ATP10B: variants seen among roughly 807,000 people sequenced by gnomAD.
ATP10B encodes the protein phospholipid-transporting ATPase VB.
A neutral mutation model predicts 141.2 loss-of-function variants in ATP10B; 122 were observed. The ratio of observed to expected loss-of-function variants is 0.86; its 90% CI spans 0.75 to 1.00. ATP10B has a LOEUF of 1.00. Ranked by LOEUF, ATP10B falls within the 50% of genes least tolerant of loss-of-function variation. ATP10B has a pLI of 0.00. For synonymous variants in ATP10B, 685 were observed against 692.0 expected (o/e 0.99, Z 0.16); for missense variants, 1,876 against 1,825.3 (o/e 1.03, Z -0.51).
chr5:160,828,758 G>C (rs544954602), intron 1 of ATP10B, among the ~76,000 whole-genome samples: 2 of 151,718 alleles, frequency 1.3e-5, no homozygotes, highest in East Asian at 3.9e-4. Context: ...ACATGCACAC[G>C]TATGTTTATT....
chr5:160,670,055 G>A (rs1028398550), intron 7 of ATP10B, among the ~76,000 whole-genome samples: 7 of 152,144 alleles, frequency 4.6e-5, no homozygotes, highest in African/African-American at 1.7e-4. Context: ...GGAATATTAG[G>A]ATTCGTGGCA....
chr5:160,770,455 T>G (rs576172296), intron 2 of ATP10B, among the ~76,000 whole-genome samples: 1 of 152,294 alleles, frequency 6.6e-6, no homozygotes, highest in Non-Finnish European at 1.5e-5. Context: ...TTCCTTTTCC[T>G]TAGGCTTAAT....
chr5:160,907,293 TTC>T, the ATP10B span, among the ~76,000 whole-genome samples: 1 of 151,718 alleles, frequency 6.6e-6, no homozygotes. Flanking sequence ...TTGATTTTTT[TTC>T]TTTAATTTAC....
At chr5:160,686,298 T>C (rs965552497) in intron 5 of ATP10B, 25 bp from the exon 6 acceptor site, 1 of 1,527,582 alleles carries the variant, frequency 6.5e-7, no homozygotes. Flanking sequence ...GAAGTGTGAA[T>C]AAACACTATG....
the ATP10B span, among the ~76,000 whole-genome samples, chr5:160,880,842 G>A: frequency 6.6e-6 from 1 of 152,060 alleles, no homozygotes; most frequent in African/African-American, 2.4e-5. Context: ...AAAAATCCTA[G>A]AAAATGTAGG....
intron 1 of ATP10B, among the ~76,000 whole-genome samples, chr5:160,834,196 A>C (rs1403912998): frequency 6.6e-6 from 1 of 151,988 alleles, no homozygotes; most frequent in Non-Finnish European, 1.5e-5. Context: ...GTGGTGGTAT[A>C]AGCCTGTAAT....
chr5:160,922,991 G>A, the ATP10B span, among the ~76,000 whole-genome samples: 7 of 152,330 alleles, frequency 4.6e-5, no homozygotes, highest in African/African-American at 1.7e-4. Flanking sequence ...GTAAGCACAA[G>A]TATTTGTTTG....
Position 160,716,757 on chromosome 5 carries a change from G to A in ATP10B, c.-205+152C>T, listed in dbSNP as rs191461863. Among the ~76,000 whole-genome samples, 459 of 152,288 alleles carry A rather than the reference G, an allele frequency of 3.0e-3. 2 individuals carry two copies. The highest frequency in any genetic ancestry group is 6.1e-3 in the Admixed American group (94 of 15,296). ...TGATATGGAGGCACCAAGGTCCTGC[G>A]GGACCCCGTTTTTTCTGTTCCATCA... On this transcript the variant is annotated intron_variant, in intron 3 of 25. Transcript: ENST00000327245.
rs796968833 is a variant in ATP10B, at chr5:160,849,618, T to TACAC, written c.-576+2319_-576+2322dup. Among the ~76,000 whole-genome samples the TACAC allele has an allele frequency of 7.4e-3, 1,096 of 148,218 alleles. 5 individuals carry two copies. The highest frequency in any genetic ancestry group is 0.012 in the African/African-American group (471 of 40,398). On this transcript the variant is annotated intron_variant, in intron 1 of 25. Coordinates refer to ENST00000327245, the MANE Select transcript of ATP10B (RefSeq NM_025153.3). The stretch of plus-strand genomic sequence containing the variant: ...CCAATTATTGAATTGTACTGGCAAT[T>TACAC]ACACACACACACACACACACACACT...
rs201927542 is a variant in ATP10B, at chr5:160,612,903, C to T, written c.2676G>A (p.Arg892=). The T allele has an allele frequency of 4.3e-6, 7 of 1,613,358 alleles. No individual in the cohort carries two copies. In the South Asian group the frequency reaches 7.7e-5, roughly 18 times the overall value. ...TLLGATGIED[R]LQEGVPDTIA... is the part of the protein sequence containing the mutation. ...TCGTATCTGGAACTCCTTCCTGCAG[C>T]CGGTCTTCGATCCCAGTGGCTCCTG... Residue 892 remains arginine, a synonymous_variant, in exon 18 of 26, where the codon CGG becomes CGA. Coordinates refer to ENST00000327245, the MANE Select transcript of ATP10B (RefSeq NM_025153.3).
chr5:160,862,228 A>T, the ATP10B span, among the ~76,000 whole-genome samples: 1 of 151,986 alleles, frequency 6.6e-6, no homozygotes, highest in Non-Finnish European at 1.5e-5. Flanking sequence ...GCCCATAATC[A>T]GTTGATTTTA....
At chr5:160,819,806 C>T (rs889168340) in intron 1 of ATP10B, among the ~76,000 whole-genome samples, 2 of 151,414 alleles carry the variant, frequency 1.3e-5, no homozygotes, top group African/African-American at 4.9e-5. Flanking sequence ...CTCATGGCAC[C>T]CTAAATCAAA....
chr5:160,649,320 G>T, intron 7 of ATP10B, 64 bp from the exon 8 acceptor site: 2 of 1,167,052 alleles, frequency 1.7e-6, no homozygotes, highest in East Asian at 2.3e-5. Context: ...TAGGATCACT[G>T]GGAGAGCTAA....
chr5:160,772,303 G>A (rs1453628740), intron 2 of ATP10B, among the ~76,000 whole-genome samples: 1 of 152,206 alleles, frequency 6.6e-6, no homozygotes, highest in African/African-American at 2.4e-5. Flanking sequence ...GATGATGCCT[G>A]CAAAGTGTAT....
intron 9 of ATP10B, among the ~76,000 whole-genome samples, chr5:160,641,325 C>T (rs1273350096): frequency 1.3e-5 from 2 of 152,166 alleles, no homozygotes; most frequent in African/African-American, 4.8e-5. Flanking sequence ...TTGGTCATGC[C>T]TAAGTTGTTG....
intron 10 of ATP10B, 108 bp downstream of exon 10, chr5:160,640,353 G>A: frequency 3.1e-6 from 4 of 1,286,502 alleles, no homozygotes; most frequent in Non-Finnish European, 4.3e-6. Flanking sequence ...AAAGTGGGCA[G>A]GGTAGGCTTT....
In ATP10B at chr5:160,780,314, G is replaced by A. The variant is rs1414321003; in HGVS notation, c.-331+5245C>T. Among the ~76,000 whole-genome samples the A allele has an allele frequency of 3.9e-5, 6 of 151,924 alleles. No individual in the cohort carries two copies. The East Asian group carries it at 1.2e-3, about 29-fold the overall frequency. ...AACCATGATTTAGCCTTTTTATAGGGTTGCCATATAAATATACATGTTTTT... is the reference window on the plus strand; with the variant it reads ...AACCATGATTTAGCCTTTTTATAGGATTGCCATATAAATATACATGTTTTT... On this transcript the variant is annotated intron_variant, in intron 2 of 25. Coordinates refer to ENST00000327245, the MANE Select transcript of ATP10B (RefSeq NM_025153.3).
rs1756537768 is a variant in ATP10B at position 160,594,448 on chromosome 5, A to G, written c.3565-3309T>C. ...ACTGCAAAATCACGCCAAATTGTAA[A>G]GACCATCGAGGCTAGGAAGAAACTG... On this transcript the variant is annotated intron_variant, in intron 22 of 25. Transcript: ENST00000327245. Among the ~76,000 whole-genome samples, 3 of 152,228 alleles carry G rather than the reference A, an allele frequency of 2.0e-5. No individual in the cohort carries two copies. The South Asian group carries it at 6.2e-4, about 32-fold the overall frequency.
the ATP10B span, among the ~76,000 whole-genome samples, chr5:160,865,572 A>G: frequency 6.6e-6 from 1 of 152,066 alleles, no homozygotes; most frequent in Non-Finnish European, 1.5e-5. Context: ...AAACAAATAA[A>G]TGGGACCTAA....
Sources: allele counts gnomAD v4.1 joint callset (sites outside exome capture counted in the v4.1 genomes callset), GRCh38; gene constraint gnomAD v4.1.1; transcripts MANE v1.5; gene names NCBI Gene and HGNC (gene_info 2026-07-23, HGNC 2026-07-21).